HEMK2: variants seen among roughly 807,000 people sequenced by gnomAD.
HEMK2 encodes HemK methyltransferase 2, ETF1 glutamine and histone H4 lysine.
chr21:28,865,352 G>C, the HEMK2 span, among the ~76,000 whole-genome samples: 1 of 152,096 alleles, frequency 6.6e-6, no homozygotes, highest in Non-Finnish European at 1.5e-5. Flanking sequence ...TTTTAGTAGA[G>C]ATGTGGATTC....
chr21:28,663,065 AT>A, the HEMK2 span, among the ~76,000 whole-genome samples: 1 of 152,326 alleles, frequency 6.6e-6, no homozygotes, highest in East Asian at 1.9e-4. Context: ...GAGAGAAATA[AT>A]CTCTCAATGG....
At chr21:28,686,797 A>C in the HEMK2 span, among the ~76,000 whole-genome samples, 1 of 152,234 alleles carries the variant, frequency 6.6e-6, no homozygotes, top group African/African-American at 2.4e-5. Context: ...AAGGGAATCA[A>C]ACCATGACTG....
the HEMK2 span, chr21:28,872,739 T>C: frequency 6.6e-6 from 1 of 152,112 alleles, no homozygotes; most frequent in Non-Finnish European, 1.5e-5. Flanking sequence ...TGTAAATCCA[T>C]CTGAGGACAG....
chr21:28,791,312 G>A, the HEMK2 span, among the ~76,000 whole-genome samples: 513 of 152,272 alleles, frequency 3.4e-3, 2 homozygotes, highest in Middle Eastern at 0.014. Context: ...ATAGTGTACA[G>A]AAAGCTACAT....
the HEMK2 span, among the ~76,000 whole-genome samples, chr21:28,751,450 G>T: frequency 3.3e-5 from 5 of 152,236 alleles, no homozygotes; most frequent in East Asian, 9.7e-4. Context: ...TTAAACAGAG[G>T]AAGATTAATG....
chr21:28,671,772 T>A, the HEMK2 span, among the ~76,000 whole-genome samples: 1 of 152,190 alleles, frequency 6.6e-6, no homozygotes, highest in South Asian at 2.1e-4. Flanking sequence ...TTTTATTACA[T>A]CTGACGGTTG....
the HEMK2 span, among the ~76,000 whole-genome samples, chr21:28,645,082 T>C: frequency 2.0e-5 from 3 of 151,956 alleles, no homozygotes; most frequent in Non-Finnish European, 4.4e-5. Context: ...ATGAAGTGAG[T>C]CTTTGAGGCC....
chr21:28,685,550 G>A, the HEMK2 span, among the ~76,000 whole-genome samples: 3 of 152,252 alleles, frequency 2.0e-5, no homozygotes, highest in East Asian at 1.9e-4. Context: ...AAAGCCCATC[G>A]TTGCAAACTT....
At chr21:28,617,489 C>T in the HEMK2 span, among the ~76,000 whole-genome samples, 2 of 152,206 alleles carry the variant, frequency 1.3e-5, no homozygotes, top group East Asian at 3.9e-4. Flanking sequence ...AATCAGCCAA[C>T]CATTGCTGTA....
At chr21:28,577,625 C>A in the HEMK2 span, among the ~76,000 whole-genome samples, 1 of 152,064 alleles carries the variant, frequency 6.6e-6, no homozygotes, top group Admixed American at 6.5e-5. Context: ...TCTAGGGTTG[C>A]CAGATAAAAT....
At chr21:28,665,029 A>G in the HEMK2 span, among the ~76,000 whole-genome samples, 6 of 152,018 alleles carry the variant, frequency 3.9e-5, no homozygotes, top group East Asian at 1.9e-4. Flanking sequence ...TATAATCCCA[A>G]CACTTTGGGA....
chr21:28,605,997 T>C, the HEMK2 span, among the ~76,000 whole-genome samples: 1 of 151,820 alleles, frequency 6.6e-6, no homozygotes, highest in Non-Finnish European at 1.5e-5. Flanking sequence ...TAAAGTAAAA[T>C]TTTCATAACA....
chr21:28,614,845 T>C, the HEMK2 span, among the ~76,000 whole-genome samples: 1 of 148,332 alleles, frequency 6.7e-6, no homozygotes, highest in Non-Finnish European at 1.5e-5. Flanking sequence ...CAAAAGTGGT[T>C]CTCTTTTTGA....
chr21:28,686,531 C>A, the HEMK2 span, among the ~76,000 whole-genome samples: 1 of 152,152 alleles, frequency 6.6e-6, no homozygotes, highest in African/African-American at 2.4e-5. Flanking sequence ...CCACACCTGG[C>A]CACCATTAGG....
chr21:28,689,220 A>AC, the HEMK2 span, among the ~76,000 whole-genome samples: 1 of 152,220 alleles, frequency 6.6e-6, no homozygotes, highest in African/African-American at 2.4e-5. Context: ...AGCATCCACT[A>AC]TAAAGAATAT....
chr21:28,622,286 C>G, the HEMK2 span, among the ~76,000 whole-genome samples: 4 of 152,062 alleles, frequency 2.6e-5, no homozygotes, highest in African/African-American at 9.7e-5. Flanking sequence ...TGTGAAGAAA[C>G]TCTTCAAGGA....
the HEMK2 span, among the ~76,000 whole-genome samples, chr21:28,704,046 C>A: frequency 1.3e-5 from 2 of 152,106 alleles, no homozygotes; most frequent in African/African-American, 4.8e-5. Flanking sequence ...AAACACTATC[C>A]AAACTATTGT....
the HEMK2 span, among the ~76,000 whole-genome samples, chr21:28,653,179 C>T: frequency 1.3e-5 from 2 of 151,992 alleles, no homozygotes; most frequent in Admixed American, 1.3e-4. Flanking sequence ...ACTGGCTCAT[C>T]CTTAAAAATA....
At chr21:28,880,277 A>ATATAAGTTTACAAC in the HEMK2 span, among the ~76,000 whole-genome samples, 1 of 152,234 alleles carries the variant, frequency 6.6e-6, no homozygotes, top group Non-Finnish European at 1.5e-5. Flanking sequence ...ATAGACTTGG[A>ATATAAGTTTACAAC]TATAAGTTTA....
Sources: allele counts gnomAD v4.1 joint callset (sites outside exome capture counted in the v4.1 genomes callset), GRCh38; gene constraint gnomAD v4.1.1; transcripts MANE v1.5; gene names NCBI Gene and HGNC (gene_info 2026-07-23, HGNC 2026-07-21).